The following BRPF1 variants were observed in gnomAD, a reference collection of about 807,000 sequenced individuals.
The protein encoded by BRPF1 is bromodomain and PHD finger containing 1.
BRPF1 carries 15 observed loss-of-function variants against 115.0 expected under a neutral mutation model. The ratio of observed to expected loss-of-function variants is 0.13; its 90% confidence interval spans 0.09 to 0.20. BRPF1 has a LOEUF of 0.20. BRPF1 is among the 10% of genes least tolerant of loss of function. BRPF1 has a pLI of 1.00. For missense variants in BRPF1, 1,118 were observed against 1,638.3 expected (o/e 0.68, Z 5.48); for synonymous variants, 647 against 619.8 (o/e 1.04, Z -0.65).
Position 9,745,800 on chromosome 3 carries a change from A to C in BRPF1, c.3206-12A>C. On this transcript the variant is annotated splice_polypyrimidine_tract_variant and intron_variant, in intron 11 of 13. Coordinates refer to ENST00000383829, the MANE Select transcript of BRPF1 (RefSeq NM_001003694.2). This position sits in a 1 kb window ranked among gnomAD's most constrained non-coding sequence, Gnocchi z 5.1. The stretch of plus-strand genomic sequence containing the variant: ...GCTGCTGATCCACCCCCTCTCCCCC[A>C]TTCCTGTGAAGTGGTAAGGAAGAGT... 1 of 1,612,900 alleles carries C rather than the reference A, an allele frequency of 6.2e-7. No individual in the cohort carries two copies. The highest frequency in any genetic ancestry group is 1.7e-4 in the Middle Eastern group (1 of 6,056).
chr3:9,735,106 G>A (rs1023916560), intron 2 of BRPF1, among the ~76,000 whole-genome samples: 7 of 142,986 alleles, frequency 4.9e-5, no homozygotes, highest in East Asian at 2.0e-4. Context: ...TCCTCCTTCC[G>A]TGCTTAAGTG....
Position 9,743,608 on chromosome 3 carries a change from A to G in BRPF1, c.2342A>G (p.Glu781Gly). 1 of 1,613,242 alleles carries G rather than the reference A, an allele frequency of 6.2e-7. No individual in the cohort carries two copies. The highest frequency in any genetic ancestry group is 8.5e-7 in the Non-Finnish European group (1 of 1,179,812). ...AAEEERLVLL[E>G]NQKHLPVEEQ... ...GAGGAAGAGCGGCTGGTCTTGCTGGAGAACCAGAAGCACCTGCCAGTGGAA... is the reference window on the plus strand; with the variant it reads ...GAGGAAGAGCGGCTGGTCTTGCTGGGGAACCAGAAGCACCTGCCAGTGGAA... The change falls in exon 8 of 14, where the codon GAG becomes GGG. Residue 781 changes from glutamate (E) to glycine (G), a missense_variant. This residue lies in a region of BRPF1 where 223 missense variants were observed against 240.7 expected (regional missense o/e 0.93). Transcript: ENST00000383829. The surrounding 1 kb of genome is among the most constrained non-coding windows in gnomAD (Gnocchi z 6.1).
Position 9,745,247 on chromosome 3 carries a change from A to T in BRPF1, c.3068+92A>T. The T allele has an allele frequency of 6.9e-7, 1 of 1,449,534 alleles. No individual in the cohort carries two copies. The allele number at this position is 1,449,534 out of a possible 1,614,324, so 89.8% of individuals were successfully genotyped here. On this transcript the variant is annotated intron_variant, in intron 10 of 13. Coordinates refer to ENST00000383829, the MANE Select transcript of BRPF1 (RefSeq NM_001003694.2). This position sits in a 1 kb window ranked among gnomAD's most constrained non-coding sequence, Gnocchi z 5.1. ...GTTTCCCTGTTGGAAGTGGGGTGGC[A>T]GCCATCTCAGTCTAGATTAAGATGG...
chr3:9,740,262 G>A (rs556341658), intron 3 of BRPF1, among the ~76,000 whole-genome samples: 31 of 152,150 alleles, frequency 2.0e-4, no homozygotes, highest in African/African-American at 7.5e-4. Flanking sequence ...TGGCAGCAAT[G>A]GAAAAAATGG....
Position 9,744,357 on chromosome 3 carries a change from C to A in BRPF1, c.2769C>A (p.Ser923Arg). The A allele has an allele frequency of 6.2e-7, 1 of 1,613,456 alleles. No homozygotes were observed. Among genetic ancestry groups the A allele is most frequent in the South Asian group, 1.1e-5 (1 of 90,968 alleles). Residue 923 changes from serine (S) to arginine (R), a missense_variant, in exon 9 of 14, where the codon AGC (serine) becomes AGA (arginine). Coordinates refer to ENST00000383829, the MANE Select transcript of BRPF1 (RefSeq NM_001003694.2). ...GCCGGCCCCCCAAAAACCGGGAGAGCCAGATGACCCCCAGCCACGGAGGCA... is the reference window on the plus strand; with the variant it reads ...GCCGGCCCCCCAAAAACCGGGAGAGACAGATGACCCCCAGCCACGGAGGCA... ...RPGRPPKNRE[S>R]QMTPSHGGSP...
rs1375198385 is a variant in BRPF1 at position 9,745,931 on chromosome 3, G to A, written c.3324+1G>A. The A allele has an allele frequency of 6.2e-7, 1 of 1,608,424 alleles. No individual in the cohort carries two copies. The highest frequency in any genetic ancestry group is 8.5e-7 in the Non-Finnish European group (1 of 1,177,068). On this transcript the variant is annotated splice_donor_variant, in intron 12 of 13. Coordinates refer to ENST00000383829, the MANE Select transcript of BRPF1 (RefSeq NM_001003694.2). LOFTEE classifies it high-confidence loss of function. The surrounding 1 kb of genome is among the most constrained non-coding windows in gnomAD (Gnocchi z 5.1). ...AGGCTATCCATCATACCCAGCTCTGGTATGCTTGCTTCTGTTACACTTCTT... is the reference window on the plus strand; with the variant it reads ...AGGCTATCCATCATACCCAGCTCTGATATGCTTGCTTCTGTTACACTTCTT...
intron 4 of BRPF1, 45 bp downstream of exon 4, chr3:9,740,986 G>T: frequency 6.4e-7 from 1 of 1,572,378 alleles, no homozygotes; most frequent in Non-Finnish European, 8.6e-7. Context: ...TAGCGCCAGG[G>T]GGACGAAAAC....
chr3:9,745,500 G>A lies in BRPF1; in HGVS notation c.3069-73G>A. On this transcript the variant is annotated intron_variant, in intron 10 of 13. Transcript: ENST00000383829. This position sits in a 1 kb window ranked among gnomAD's most constrained non-coding sequence, Gnocchi z 5.1. The stretch of plus-strand genomic sequence containing the variant: ...GTCTCAGACCCTGCGGGCTTTAAGA[G>A]CTGAGGGCACATACCATGCTGTTCC... 2 of 1,542,798 alleles carry A rather than the reference G, an allele frequency of 1.3e-6. No individual in the cohort carries two copies. Among genetic ancestry groups the A allele is most frequent in the Non-Finnish European group, 8.9e-7 (1 of 1,120,454 alleles).
rs369407011 is a variant in BRPF1 at position 9,744,375 on chromosome 3, C to T, written c.2787C>T (p.His929=). ...KNRESQMTPS[H]GGSPVGPPQL... is the part of the protein sequence containing the mutation. ...GGGAGAGCCAGATGACCCCCAGCCA[C>T]GGAGGCAGTCCTGTGGGGCCCCCCC... is the stretch of plus-strand genomic sequence containing the variant. The change falls in exon 9 of 14, where the codon CAC becomes CAT. Residue 929 remains histidine, a synonymous_variant. Coordinates refer to ENST00000383829, the MANE Select transcript of BRPF1 (RefSeq NM_001003694.2). The T allele has an allele frequency of 1.7e-5, 27 of 1,613,200 alleles. No individual in the cohort carries two copies. Among genetic ancestry groups the T allele is most frequent in the Admixed American group, 1.5e-4 (9 of 59,906 alleles).
chr3:9,745,166 T>A lies in BRPF1; in HGVS notation c.3068+11T>A. ...TTCAGACCGGACCAGGTACCAGCCC[T>A]CCAGATCGAGGCCAACCTCAGGGGA... On this transcript the variant is annotated intron_variant, in intron 10 of 13. Coordinates refer to ENST00000383829, the MANE Select transcript of BRPF1 (RefSeq NM_001003694.2). The surrounding 1 kb of genome is among the most constrained non-coding windows in gnomAD (Gnocchi z 5.1). 1.9e-6 allele frequency: 3 copies of A among 1,612,510 alleles called. No homozygotes were observed. The highest frequency in any genetic ancestry group is 2.5e-6 in the Non-Finnish European group (3 of 1,179,352).
chr3:9,746,584 A>G, intron 13 of BRPF1, 130 bp downstream of exon 13: 1 of 1,185,292 alleles, frequency 8.4e-7, no homozygotes, highest in Non-Finnish European at 1.1e-6. Flanking sequence ...AGGGACTTAG[A>G]ACAGTTTTTT....
At chr3:9,741,918 A>T (rs2077038620) in intron 5 of BRPF1, 107 bp from the exon 6 acceptor site, 2 of 1,285,334 alleles carry the variant, frequency 1.6e-6, no homozygotes, top group Non-Finnish European at 2.2e-6. Flanking sequence ...CCCAGCTGTG[A>T]GGGTGGGAAA....
At chr3:9,737,117 C>T (rs1315179803) in intron 2 of BRPF1, among the ~76,000 whole-genome samples, 1 of 152,166 alleles carries the variant, frequency 6.6e-6, no homozygotes, top group East Asian at 1.9e-4. Flanking sequence ...TTGCAGTCAC[C>T]TTGGGGAAGA....
At chr3:9,737,285 T>TA (rs1473588044) in intron 2 of BRPF1, among the ~76,000 whole-genome samples, 1 of 152,194 alleles carries the variant, frequency 6.6e-6, no homozygotes, top group African/African-American at 2.4e-5. Flanking sequence ...GTGGAGGAGT[T>TA]AGACACATAC....
At position 9,744,215 on chromosome 3, in the gene BRPF1, C is replaced by G; in HGVS notation, c.2636-9C>G. ...TCACCAACTCTCCTTCTTTCTTTCT[C>G]TGCTCCAGGCCTGGGTCCCAACATG... On this transcript the variant is annotated splice_polypyrimidine_tract_variant and intron_variant, in intron 8 of 13. Transcript: ENST00000383829. 1 of 1,519,054 alleles carries G rather than the reference C, an allele frequency of 6.6e-7. No homozygotes were observed. The highest frequency in any genetic ancestry group is 1.3e-5 in the South Asian group (1 of 75,580). The allele number at this position is 1,519,054 out of a possible 1,614,324, so 94.1% of individuals were successfully genotyped here. A position where few individuals can be genotyped will look rare whatever the true frequency, so the allele number is the denominator to read the frequency against.
chr3:9,738,968 T>A, intron 2 of BRPF1, 31 bp from the exon 3 acceptor site: 1 of 1,521,898 alleles, frequency 6.6e-7, no homozygotes, highest in Non-Finnish European at 8.8e-7. Context: ...ATCTCAACCA[T>A]GTGATGCTGA....
At chr3:9,746,990 AT>A (rs1233129716) in intron 13 of BRPF1, among the ~76,000 whole-genome samples, 175 bp from the exon 14 acceptor site, 1 of 152,154 alleles carries the variant, frequency 6.6e-6, no homozygotes, top group Non-Finnish European at 1.5e-5. Context: ...ACCACACAGT[AT>A]AACTGTTGAC....
chr3:9,741,266 TG>T, intron 4 of BRPF1, 41 bp from the exon 5 acceptor site: 2 of 1,531,238 alleles, frequency 1.3e-6, no homozygotes, highest in Non-Finnish European at 1.8e-6. Context: ...ACCTTTCCTC[TG>T]GCTTTCTAAT....
chr3:9,744,611 T>G, intron 9 of BRPF1, 103 bp downstream of exon 9: 769 of 795,904 alleles, frequency 9.7e-4, no homozygotes, highest in Non-Finnish European at 1.4e-3. Context: ...AAGAGCGAGC[T>G]AGAAGGGTCC....
Sources: allele counts gnomAD v4.1 joint callset (sites outside exome capture counted in the v4.1 genomes callset), GRCh38; gene constraint gnomAD v4.1.1; regional missense constraint gnomAD v4.1.1; non-coding constraint Gnocchi (gnomAD v3.1); transcripts MANE v1.5; gene names NCBI Gene and HGNC (gene_info 2026-07-23, HGNC 2026-07-21).